The following PLA1A variants were observed in gnomAD, a reference collection of about 807,000 sequenced individuals.
PLA1A encodes the protein phospholipase A1 member A.
In PLA1A, 47 loss-of-function variants were observed where a neutral mutation model predicts 49.4. The observed-to-expected ratio is 0.95, with a 90% CI of 0.75 to 1.21. PLA1A has a LOEUF of 1.21. Among genes scored for constraint, PLA1A ranks in the 50% most tolerant of loss-of-function variants. The probability of loss-of-function intolerance (pLI) is 0.00; values close to 1 mark genes in which losing one functional copy is unlikely to be tolerated. For missense variants in PLA1A, 561 were observed against 563.9 expected, an observed-to-expected ratio of 0.99 and a Z score of 0.05; for synonymous variants, 224 against 207.9, an observed-to-expected ratio of 1.08 and a Z score of -0.67.
At chr3:119,628,085 G>A (rs1321953288) in intron 9 of PLA1A, among the ~76,000 whole-genome samples, 1 of 152,218 alleles carries the variant, frequency 6.6e-6, no homozygotes, top group Admixed American at 6.5e-5. Context: ...GCTGAAGTCA[G>A]TATGAACCAA....
Position 119,625,339 on chromosome 3 carries a change from T to C in PLA1A, c.1121+107T>C, listed in dbSNP as rs112877051. 6.6e-4 allele frequency: 475 copies of C among 722,312 alleles called. 3 individuals carry two copies. The African/African-American group carries it at 7.2e-3, about 11-fold the overall frequency. The allele number at this position is 722,312 out of a possible 1,614,324, so 44.7% of individuals were successfully genotyped here. On this transcript the variant is annotated intron_variant, in intron 9 of 10. Coordinates refer to ENST00000273371, the MANE Select transcript of PLA1A (RefSeq NM_015900.4). ...CAGGGACTGTGTGATTGCTGATGCA[T>C]GGGCCCAGCCGGCTTGGCTGGGGGC...
intron 1 of PLA1A, among the ~76,000 whole-genome samples, chr3:119,606,542 G>A (rs1024157269): frequency 6.6e-6 from 1 of 152,144 alleles, no homozygotes; most frequent in Non-Finnish European, 1.5e-5. Context: ...ATCTAGTTGA[G>A]CAATATTCCT....
intron 1 of PLA1A, chr3:119,600,382 G>T (rs955710211): frequency 1.4e-6 from 1 of 703,008 alleles, no homozygotes; most frequent in Non-Finnish European, 2.6e-6. Context: ...CCAGGTGGAT[G>T]CACAAGTCTT....
At chr3:119,622,641 G>A (rs12639410) in intron 8 of PLA1A, among the ~76,000 whole-genome samples, 75,699 of 151,888 alleles carry the variant, frequency 0.5, 19,513 homozygotes, top group East Asian at 0.88. Flanking sequence ...CCCATAAAAT[G>A]TGGCAAATGA....
At chr3:119,618,339 C>T (rs567188359) in intron 7 of PLA1A, among the ~76,000 whole-genome samples, 153 bp downstream of exon 7, 20 of 152,322 alleles carry the variant, frequency 1.3e-4, no homozygotes, top group Non-Finnish European at 2.8e-4. Context: ...CCTGTTCTTA[C>T]TTGGAGGTGG....
intron 2 of PLA1A, among the ~76,000 whole-genome samples, chr3:119,607,817 C>T (rs2082708872): frequency 6.6e-6 from 1 of 152,154 alleles, no homozygotes; most frequent in African/African-American, 2.4e-5. Flanking sequence ...GTGGAGAGCT[C>T]ATCAGGCAAG....
At chr3:119,627,859 G>C (rs1051964336) in intron 9 of PLA1A, among the ~76,000 whole-genome samples, 2 of 152,152 alleles carry the variant, frequency 1.3e-5, no homozygotes, top group Admixed American at 6.5e-5. Context: ...TGAATCTCAC[G>C]ATTTTTTGCT....
intron 2 of PLA1A, among the ~76,000 whole-genome samples, chr3:119,608,262 AAG>A (rs2082718980): frequency 6.6e-6 from 1 of 150,892 alleles, no homozygotes; most frequent in African/African-American, 2.4e-5. Flanking sequence ...GAAAGAAAGA[AAG>A]AAAGAAAGAA....
chr3:119,624,160 G>A (rs1218314669), intron 8 of PLA1A, among the ~76,000 whole-genome samples: 6 of 152,152 alleles, frequency 3.9e-5, no homozygotes, highest in East Asian at 3.8e-4. Context: ...AGATCAAGGC[G>A]CCGGCACTCC....
Position 119,608,914 on chromosome 3 carries a change from C to T in PLA1A, c.420C>T (p.Ser140=). ...CTGTGAAAAATGTGATTAAGTTGAG[C>T]CTCGAGATCTCCCTTTTCCTCAATA... is the stretch of plus-strand genomic sequence containing the variant. ...FSAVKNVIKL[S]LEISLFLNKL... is the part of the protein sequence containing the mutation. Residue 140 remains serine, a synonymous_variant, in exon 3 of 11, where the codon AGC becomes AGT. Coordinates refer to ENST00000273371, the MANE Select transcript of PLA1A (RefSeq NM_015900.4). The T allele has an allele frequency of 6.2e-7, 1 of 1,614,020 alleles. No individual in the cohort carries two copies. The highest frequency in any genetic ancestry group is 8.5e-7 in the Non-Finnish European group (1 of 1,179,910).
Position 119,606,923 on chromosome 3 carries a change from A to G in PLA1A, c.223A>G (p.Asn75Asp). 1 of 1,614,144 alleles carries G rather than the reference A, an allele frequency of 6.2e-7. No individual in the cohort carries two copies. The highest frequency in any genetic ancestry group is 1.1e-5 in the South Asian group (1 of 91,082). Residue 75 changes from asparagine (N) to aspartate (D), a missense_variant, in exon 2 of 11, where the codon AAC (asparagine) becomes GAC (aspartate). Transcript: ENST00000273371. ...AGTAGAAGGAAGCAGTGACCTCCAAAACTCTGGGTTCAATGCCACTCTGGG... is the reference window on the plus strand; with the variant it reads ...AGTAGAAGGAAGCAGTGACCTCCAAGACTCTGGGTTCAATGCCACTCTGGG... ...QLVEGSSDLQ[N>D]SGFNATLGTK... is the part of the protein sequence containing the mutation.
Position 119,608,886 on chromosome 3 carries a change from C to T in PLA1A, c.392C>T (p.Ser131Leu). The change falls in exon 3 of 11, where the codon TCA (serine) becomes TTA (leucine). Residue 131 changes from serine (S) to leucine (L), a missense_variant. By Grantham distance (145) the Ser-to-Leu change is moderately radical. Coordinates refer to ENST00000273371, the MANE Select transcript of PLA1A (RefSeq NM_015900.4). ...TATGGGTCTACAGGAGTCTACTTCT[C>T]AGCTGTGAAAAATGTGATTAAGTTG... ...WIYGSTGVYFSAVKNVIKLSL... is the reference protein window; with the variant it reads ...WIYGSTGVYFLAVKNVIKLSL... The T allele has an allele frequency of 6.2e-7, 1 of 1,614,020 alleles. No individual in the cohort carries two copies. The highest frequency in any genetic ancestry group is 8.5e-7 in the Non-Finnish European group (1 of 1,179,886).
intron 10 of PLA1A, 112 bp from the exon 11 acceptor site, chr3:119,629,272 T>C: frequency 1.3e-6 from 1 of 745,136 alleles, no homozygotes; most frequent in South Asian, 1.5e-5. Flanking sequence ...GGCTCTTAAT[T>C]GTAGGTGATT....
At chr3:119,625,602 A>G (rs2052515195) in intron 9 of PLA1A, among the ~76,000 whole-genome samples, 1 of 152,176 alleles carries the variant, frequency 6.6e-6, no homozygotes, top group African/African-American at 2.4e-5. Flanking sequence ...CAGCCCAGGA[A>G]GGGCTAGCCA....
chr3:119,602,010 G>A (rs1162899041), intron 1 of PLA1A, among the ~76,000 whole-genome samples: 3 of 152,076 alleles, frequency 2.0e-5, no homozygotes, highest in African/African-American at 7.2e-5. Context: ...AATTGGCCCA[G>A]CAAACCTTGC....
chr3:119,609,610 A>G, intron 4 of PLA1A, 34 bp downstream of exon 4: 1 of 1,008,764 alleles, frequency 9.9e-7, no homozygotes, highest in Non-Finnish European at 1.5e-6. Context: ...TCCAGGCTTT[A>G]GAGATAGAGA....
At chr3:119,629,155 G>A (rs1345289605) in intron 10 of PLA1A, among the ~76,000 whole-genome samples, 2 of 152,120 alleles carry the variant, frequency 1.3e-5, no homozygotes, top group African/African-American at 2.4e-5. Context: ...CTGTGTCATG[G>A]GTCACATTCA....
chr3:119,605,189 A>G (rs924720679), intron 1 of PLA1A, among the ~76,000 whole-genome samples: 9 of 152,240 alleles, frequency 5.9e-5, no homozygotes, highest in Non-Finnish European at 1.3e-4. Context: ...GTGGGAGTTC[A>G]AGCCACAGGC....
At chr3:119,626,999 C>T (rs1196176910) in intron 9 of PLA1A, among the ~76,000 whole-genome samples, 1 of 152,196 alleles carries the variant, frequency 6.6e-6, no homozygotes, top group Admixed American at 6.5e-5. Flanking sequence ...ACAACCCTGA[C>T]TGCACGTTAG....
Sources: allele counts gnomAD v4.1 joint callset (sites outside exome capture counted in the v4.1 genomes callset), GRCh38; gene constraint gnomAD v4.1.1; transcripts MANE v1.5; gene names NCBI Gene and HGNC (gene_info 2026-07-23, HGNC 2026-07-21).